FAM110B: variants seen among roughly 807,000 people sequenced by gnomAD.
FAM110B encodes the protein protein FAM110B.
In FAM110B, 6 loss-of-function variants were observed where a neutral mutation model predicts 20.4. That is an observed-to-expected ratio of 0.29 (90% CI 0.16 to 0.58). FAM110B has a LOEUF of 0.58. Ranked by LOEUF, FAM110B falls within the 20% of genes least tolerant of loss-of-function variation. FAM110B has a pLI of 0.90. For synonymous variants in FAM110B, 226 were observed against 214.1 expected, an observed-to-expected ratio of 1.06 and a Z score of -0.49; for missense variants, 434 against 498.2, an observed-to-expected ratio of 0.87 and a Z score of 1.23.
At position 58,146,058 on chromosome 8, in the gene FAM110B, A is replaced by G. The variant is rs1803855211; in HGVS notation, c.-173A>G. 1.4e-6 allele frequency: 1 copy of G among 696,264 alleles called. No individual in the cohort carries two copies. Among genetic ancestry groups the G allele is most frequent in the Non-Finnish European group, 2.3e-6 (1 of 431,092 alleles). The allele number at this position is 696,264 out of a possible 1,614,324, so 43.1% of individuals were successfully genotyped here. On this transcript the variant is annotated 5_prime_UTR_variant, in exon 4 of 4. Transcript: ENST00000519262. Reference sequence around the variant, plus strand: ...AAGGGGAGAAAAGTGTATGAAAGCCACCGTGGCGGTTAATGAGCTGTGAGA... The same window carrying G: ...AAGGGGAGAAAAGTGTATGAAAGCCGCCGTGGCGGTTAATGAGCTGTGAGA...
chr8:58,091,291 T>A (rs759411117), intron 3 of FAM110B, among the ~76,000 whole-genome samples: 8 of 151,972 alleles, frequency 5.3e-5, no homozygotes, highest in Non-Finnish European at 1.0e-4. Context: ...GATGTGAGAG[T>A]GCCTAGCGTC....
chr8:58,090,791 T>C (rs1325060418), intron 3 of FAM110B, among the ~76,000 whole-genome samples: 2 of 152,226 alleles, frequency 1.3e-5, no homozygotes, highest in Admixed American at 1.3e-4. Flanking sequence ...GACTTGAGAT[T>C]TTCCCCACAA....
chr8:58,102,757 C>T (rs978702394), intron 3 of FAM110B, among the ~76,000 whole-genome samples: 1 of 152,110 alleles, frequency 6.6e-6, no homozygotes, highest in African/African-American at 2.4e-5. Flanking sequence ...GTGGGAGCAT[C>T]TCCACTTCCC....
chr8:58,148,368 A>G lies in FAM110B; in HGVS notation c.*1025A>G, dbSNP rs191168824. ...TGAACACACTTGGTAGCTGAACCAT[A>G]TCTGAGCAGCGTGATTCTGTTGTCT... is the stretch of plus-strand genomic sequence containing the variant. On this transcript the variant is annotated 3_prime_UTR_variant, in exon 4 of 4. Coordinates refer to ENST00000519262, the MANE Select transcript of FAM110B (RefSeq NM_001377989.1). 1.5e-4 allele frequency: 25 copies of G among 167,162 alleles called. No individual in the cohort carries two copies. The highest frequency in any genetic ancestry group is 1.3e-3 in the Admixed American group (20 of 15,306). 10.4% of individuals were successfully genotyped at this position (167,162 alleles called of 1,614,324 possible). A position where few individuals can be genotyped will look rare whatever the true frequency, so the allele number is the denominator to read the frequency against.
intron 2 of FAM110B, among the ~76,000 whole-genome samples, chr8:58,063,470 A>G (rs1805697104): frequency 1.2e-5 from 1 of 80,716 alleles, no homozygotes; most frequent in Admixed American, 1.0e-4. Context: ...CTCATACATC[A>G]TTTGAAATGC....
At chr8:58,065,485 A>G (rs1199144957) in intron 2 of FAM110B, among the ~76,000 whole-genome samples, 1 of 152,212 alleles carries the variant, frequency 6.6e-6, no homozygotes, top group African/African-American at 2.4e-5. Flanking sequence ...ATGATTTGAG[A>G]ACAGAAGGGA....
At chr8:58,057,901 T>C (rs564923297) in intron 2 of FAM110B, among the ~76,000 whole-genome samples, 38 of 152,376 alleles carry the variant, frequency 2.5e-4, no homozygotes, top group Middle Eastern at 6.8e-3. Context: ...CTGGTGCTTG[T>C]GTTACTTTGC....
At chr8:58,118,933 A>G (rs905247845) in intron 3 of FAM110B, among the ~76,000 whole-genome samples, 2 of 152,214 alleles carry the variant, frequency 1.3e-5, no homozygotes, top group Non-Finnish European at 2.9e-5. Flanking sequence ...AACATTGCCT[A>G]CAGACATTAT....
chr8:58,017,967 TC>T (rs929852087), intron 1 of FAM110B, among the ~76,000 whole-genome samples: 5 of 152,202 alleles, frequency 3.3e-5, no homozygotes, highest in Admixed American at 2.6e-4. Context: ...TAAGGATTGC[TC>T]TGTATGTCAT....
chr8:58,034,510 G>T (rs1226105993), intron 2 of FAM110B, among the ~76,000 whole-genome samples: 1 of 152,278 alleles, frequency 6.6e-6, no homozygotes, highest in East Asian at 1.9e-4. Context: ...GGGCTTTAAT[G>T]TTAGAAGGAC....
intron 2 of FAM110B, among the ~76,000 whole-genome samples, chr8:58,054,400 C>T (rs761274547): frequency 7.2e-5 from 11 of 152,144 alleles, no homozygotes; most frequent in Non-Finnish European, 1.6e-4. Flanking sequence ...TCCTTCCAAT[C>T]CCAGATGAAC....
chr8:58,074,203 T>G (rs1805975697), intron 2 of FAM110B, among the ~76,000 whole-genome samples: 2 of 152,202 alleles, frequency 1.3e-5, no homozygotes. Flanking sequence ...TGTTGCTCTC[T>G]TAACTCTAAC....
In FAM110B at chr8:57,996,061, A is replaced by C. The variant is rs1283985407; in HGVS notation, c.-512+1255A>C. Reference sequence around the variant, plus strand: ...ATACTTGTATTAATTTCTTGTACTCATTTTTGTGACATCACAACCCCTGGT... The same window carrying C: ...ATACTTGTATTAATTTCTTGTACTCCTTTTTGTGACATCACAACCCCTGGT... On this transcript the variant is annotated intron_variant, in intron 1 of 3. Coordinates refer to ENST00000519262, the MANE Select transcript of FAM110B (RefSeq NM_001377989.1). Among the ~76,000 whole-genome samples the C allele has an allele frequency of 2.0e-5, 3 of 152,276 alleles. No individual in the cohort carries two copies. The East Asian group carries it at 5.8e-4, about 29-fold the overall frequency.
intron 3 of FAM110B, among the ~76,000 whole-genome samples, chr8:58,093,836 G>C (rs754318038): frequency 6.6e-6 from 1 of 152,030 alleles, no homozygotes; most frequent in Non-Finnish European, 1.5e-5. Context: ...AGTTACTTTG[G>C]GCTGTATGGC....
chr8:58,020,959 A>T (rs1397224287), intron 1 of FAM110B, among the ~76,000 whole-genome samples: 4 of 152,134 alleles, frequency 2.6e-5, no homozygotes, highest in Admixed American at 1.3e-4. Context: ...AGAAAAGGCT[A>T]CTTTCTTCCT....
chr8:58,129,483 C>T (rs183634555), intron 3 of FAM110B, among the ~76,000 whole-genome samples: 6 of 152,226 alleles, frequency 3.9e-5, no homozygotes, highest in Non-Finnish European at 7.3e-5. Context: ...TCAGCCACCC[C>T]CTTCGGGGCC....
intron 2 of FAM110B, among the ~76,000 whole-genome samples, chr8:58,047,932 G>A (rs1016602773): frequency 2.0e-5 from 3 of 152,004 alleles, no homozygotes; most frequent in African/African-American, 4.8e-5. Flanking sequence ...TTAAACTTTA[G>A]CGTCTTCATC....
intron 2 of FAM110B, among the ~76,000 whole-genome samples, chr8:58,059,439 T>C (rs1398305932): frequency 2.6e-5 from 4 of 152,162 alleles, no homozygotes; most frequent in Non-Finnish European, 5.9e-5. Context: ...TCTTTTTCTT[T>C]TTAGTTATTT....
chr8:58,092,823 C>T (rs573016004), intron 3 of FAM110B, among the ~76,000 whole-genome samples: 4 of 152,350 alleles, frequency 2.6e-5, no homozygotes, highest in Non-Finnish European at 5.9e-5. Context: ...AATCGCCACA[C>T]TGTCTTCCAC....
Sources: allele counts gnomAD v4.1 joint callset (sites outside exome capture counted in the v4.1 genomes callset), GRCh38; gene constraint gnomAD v4.1.1; transcripts MANE v1.5; gene names NCBI Gene and HGNC (gene_info 2026-07-23, HGNC 2026-07-21).